Variants in ZNF541 observed in about 807,000 individuals in gnomAD.
ZNF541 encodes zinc finger protein 541.
Under a neutral mutation model 123.5 loss-of-function variants are expected in ZNF541, and 23 were observed. The observed-to-expected ratio is 0.19, with a 90% CI of 0.13 to 0.26. The LOEUF is 0.26. Ranked by LOEUF, ZNF541 falls within the 10% of genes least tolerant of loss-of-function variation. ZNF541 has a pLI of 1.00. For missense variants in ZNF541, 1,612 were observed against 1,789.9 expected (o/e 0.90, Z 1.79); for synonymous variants, 751 against 754.5 (o/e 1.00, Z 0.08).
intron 3 of ZNF541, among the ~76,000 whole-genome samples, chr19:47,550,513 T>C (rs760264989): frequency 2.6e-5 from 4 of 152,150 alleles, no homozygotes; most frequent in Non-Finnish European, 5.9e-5. Flanking sequence ...TCTTTTTGTA[T>C]AGGTAAATTG....
chr19:47,553,798 C>G (rs1970706411), intron 3 of ZNF541, among the ~76,000 whole-genome samples: 1 of 152,112 alleles, frequency 6.6e-6, no homozygotes, highest in African/African-American at 2.4e-5. Flanking sequence ...CCTCAGCCTC[C>G]CAAAGTACTA....
At chr19:47,561,180 A>C (rs1971047455) in intron 2 of ZNF541, among the ~76,000 whole-genome samples, 1 of 152,202 alleles carries the variant, frequency 6.6e-6, no homozygotes, top group Admixed American at 6.6e-5. Flanking sequence ...TACAACACAG[A>C]GACTGAGCTC....
chr19:47,545,132 C>T lies in ZNF541; in HGVS notation c.1397G>A (p.Gly466Asp). ...GAAGGGCAGAGCATCCTCCAGGCCA[C>T]CGCCGGGGCCGGGCGGGGACTCCTC... ...PSEESPPGPG[G>D]GLEDALPFPA... The change falls in exon 5 of 17, where the codon GGT (glycine) becomes GAT (aspartate). Residue 466 changes from glycine to aspartate, a missense_variant. Gly to Asp is a moderately conservative substitution (Grantham distance 94, BLOSUM62 -1). Around this residue, in one of 5 missense-constraint regions of ZNF541, gnomAD observed 1,080 missense variants for 1,013.8 expected, o/e 1.07. Transcript: ENST00000391901. The surrounding 1 kb of genome is among the most constrained non-coding windows in gnomAD (Gnocchi z 7.5). The T allele has an allele frequency of 6.7e-7, 1 of 1,482,646 alleles. No homozygotes were observed. Among genetic ancestry groups the T allele is most frequent in the Non-Finnish European group, 8.9e-7 (1 of 1,117,512 alleles). The allele number at this position is 1,482,646 out of a possible 1,614,324, so 91.8% of individuals were successfully genotyped here.
At chr19:47,539,989 T>C (rs1970008285) in intron 7 of ZNF541, 111 bp from the exon 8 acceptor site, 9 of 1,464,502 alleles carry the variant, frequency 6.1e-6, no homozygotes, top group African/African-American at 1.4e-5. Context: ...GTCTGTGGCA[T>C]GGACCAAGCT....
chr19:47,550,799 C>A (rs1294609520), intron 3 of ZNF541, among the ~76,000 whole-genome samples: 2 of 151,946 alleles, frequency 1.3e-5, no homozygotes, highest in African/African-American at 2.4e-5. Context: ...CGGGCCACCA[C>A]CACTCCCAGC....
chr19:47,558,289 G>A (rs71363752), intron 2 of ZNF541, among the ~76,000 whole-genome samples: 14 of 151,682 alleles, frequency 9.2e-5, no homozygotes, highest in Admixed American at 2.0e-4. Flanking sequence ...GGTGGTGGGC[G>A]CCTGTAGTCC....
chr19:47,538,213 C>A lies in ZNF541; in HGVS notation c.3023G>T (p.Gly1008Val), dbSNP rs1339578287. 1 of 1,551,574 alleles carries A rather than the reference C, an allele frequency of 6.4e-7. No homozygotes were observed. The highest frequency in any genetic ancestry group is 2.0e-5 in the Admixed American group (1 of 50,984). Reference sequence around the variant, plus strand: ...GGAACAGAGGGTGTTGAAGTACACCCCAGAGCCCTCCCGGATGGGGCTGAG... The same window carrying A: ...GGAACAGAGGGTGTTGAAGTACACCACAGAGCCCTCCCGGATGGGGCTGAG... ...PMLSPIREGS[G>V]VYFNTLCSTS... The change falls in exon 9 of 17, where the codon GGG (glycine) becomes GTG (valine). Residue 1008 changes from glycine to valine, a missense_variant. By Grantham distance (109) the Gly-to-Val change is moderately radical. This residue lies in a region of ZNF541 where 285 missense variants were observed against 407.3 expected (regional missense o/e 0.70). Transcript: ENST00000391901.
rs116654608 is a variant in ZNF541, at chr19:47,557,708, G to A, written c.-98-1754C>T. On this transcript the variant is annotated intron_variant, in intron 2 of 16. Coordinates refer to ENST00000391901, the MANE Select transcript of ZNF541 (RefSeq NM_001277075.3). ...TAAAATATCAGCCAGGTGTGGTGGC[G>A]TCTATCTGTAGTCCCAGCTATTCAG... is the stretch of plus-strand genomic sequence containing the variant. Among the ~76,000 whole-genome samples the A allele has an allele frequency of 2.7e-3, 414 of 151,884 alleles. 2 individuals are homozygous for A. The highest frequency in any genetic ancestry group is 9.5e-3 in the African/African-American group (395 of 41,428).
intron 2 of ZNF541, among the ~76,000 whole-genome samples, chr19:47,557,731 C>T (rs1226782891): frequency 6.6e-6 from 1 of 151,622 alleles, no homozygotes; most frequent in East Asian, 1.9e-4. Flanking sequence ...CCCAGCTATT[C>T]AGAAGGCTGA....
chr19:47,558,677 T>G (rs2123326659), intron 2 of ZNF541, among the ~76,000 whole-genome samples: 1 of 150,750 alleles, frequency 6.6e-6, no homozygotes, highest in Non-Finnish European at 1.5e-5. Flanking sequence ...CACTGCATCC[T>G]CCGCCTCCCG....
At chr19:47,542,929 G>A (rs1970145640) in intron 5 of ZNF541, among the ~76,000 whole-genome samples, 1 of 152,068 alleles carries the variant, frequency 6.6e-6, no homozygotes, top group South Asian at 2.1e-4. Context: ...GGGCGACAGA[G>A]TGAGACTCCA....
intron 4 of ZNF541, among the ~76,000 whole-genome samples, chr19:47,546,370 G>A (rs1970359222): frequency 6.6e-6 from 1 of 152,036 alleles, no homozygotes; most frequent in South Asian, 2.1e-4. Context: ...TTAGCTGGGT[G>A]TAGTGGCACA....
chr19:47,535,706 G>C (rs1473967200), intron 9 of ZNF541, among the ~76,000 whole-genome samples: 2 of 152,014 alleles, frequency 1.3e-5, no homozygotes, highest in African/African-American at 4.8e-5. Flanking sequence ...CAATGCAGGA[G>C]GACTGTTTCA....
rs34730322 is a variant in ZNF541 at position 47,540,297 on chromosome 19, G to T, written c.2501C>A (p.Pro834His). 1,365 of 1,552,122 alleles carry T rather than the reference G, an allele frequency of 8.8e-4. 11 individuals are homozygous for T. The African/African-American group carries it at 0.017, about 19-fold the overall frequency. ...GTTCTTGCAGACAAAAGTGCTCCTG[G>T]GCTTCGTCCAGTCTGTGGGACTGCC... is the stretch of plus-strand genomic sequence containing the variant. The part of the protein sequence containing the change: ...QNGSPTDWTK[P>H]RSTFVCKNCS... Residue 834 changes from proline (P) to histidine (H), a missense_variant, in exon 7 of 17, where the codon CCC (proline) becomes CAC (histidine). Physicochemically the swap from Pro to His is moderately conservative, Grantham distance 77. Coordinates refer to ENST00000391901, the MANE Select transcript of ZNF541 (RefSeq NM_001277075.3).
intron 4 of ZNF541, 97 bp from the exon 5 acceptor site, chr19:47,546,077 G>A: frequency 9.3e-7 from 1 of 1,078,440 alleles, no homozygotes; most frequent in Non-Finnish European, 1.3e-6. Context: ...TGGTACAGTT[G>A]CACCACAATT....
At chr19:47,547,623 A>G (rs751654384) in intron 4 of ZNF541, among the ~76,000 whole-genome samples, 3 of 152,174 alleles carry the variant, frequency 2.0e-5, no homozygotes, top group Non-Finnish European at 4.4e-5. Flanking sequence ...TTCCTGGGGT[A>G]GGTGTGGGTG....
intron 14 of ZNF541, among the ~76,000 whole-genome samples, chr19:47,527,887 C>A (rs1320641384): frequency 6.6e-6 from 1 of 150,886 alleles, no homozygotes; most frequent in Admixed American, 6.6e-5. Context: ...TTAGTAGAGA[C>A]AGGGTTTCTC....
chr19:47,534,249 A>G (rs186876443), intron 9 of ZNF541, among the ~76,000 whole-genome samples: 2 of 152,322 alleles, frequency 1.3e-5, no homozygotes, highest in African/African-American at 4.8e-5. Context: ...TCCGAAGAAC[A>G]AAGAGAAAAA....
chr19:47,563,546 C>CT (rs1404066295), intron 2 of ZNF541, among the ~76,000 whole-genome samples: 1 of 152,124 alleles, frequency 6.6e-6, no homozygotes, highest in Non-Finnish European at 1.5e-5. Context: ...TTTCACCACT[C>CT]TATGAGGGGA....
Sources: gnomAD v4.1 joint callset for allele counts (sites outside exome capture counted in the v4.1 genomes callset) on GRCh38, gnomAD v4.1.1 for gene constraint, gnomAD v4.1.1 regional missense constraint, Gnocchi (gnomAD v3.1) non-coding constraint, MANE v1.5 for transcripts, NCBI Gene and HGNC (gene_info 2026-07-23, HGNC 2026-07-21) for gene names.